ADAM30: variants seen among roughly 807,000 people sequenced by gnomAD.
The protein encoded by ADAM30 is disintegrin and metalloproteinase domain-containing protein 30.
For missense variants in ADAM30, 960 were observed against 959.4 expected (o/e 1.00, Z -0.01); for synonymous variants, 382 against 340.9 (o/e 1.12, Z -1.33).
At position 119,896,173 on chromosome 1, in the gene ADAM30, A is replaced by C. The variant is rs137940074; in HGVS notation, c.164T>G (p.Val55Gly). The C allele has an allele frequency of 1.4e-5, 23 of 1,613,838 alleles. No homozygotes were observed. The highest frequency in any genetic ancestry group is 1.8e-5 in the Non-Finnish European group (21 of 1,179,988). ...IPEKLSFRGE[V>G]QGVVSPVSYL... Reference sequence around the variant, plus strand: ...GGACACGGGACTGACCACACCCTGCACCTCTCCCCGGAAGCTCAGCTTCTC... The same window carrying C: ...GGACACGGGACTGACCACACCCTGCCCCTCTCCCCGGAAGCTCAGCTTCTC... Residue 55 changes from valine to glycine, a missense_variant, in exon 1 of 1, where the codon GTG becomes GGG. Physicochemically the swap from Val to Gly is moderately radical, Grantham distance 109. Transcript: ENST00000369400.
At position 119,896,179 on chromosome 1, in the gene ADAM30, C is replaced by T. The variant is rs1412508655; in HGVS notation, c.158G>A (p.Gly53Glu). ...GGGACTGACCACACCCTGCACCTCT[C>T]CCCGGAAGCTCAGCTTCTCAGGAAT... ...VTIPEKLSFR[G>E]EVQGVVSPVS... The change falls in exon 1 of 1, where the codon GGA (glycine) becomes GAA (glutamate). Residue 53 changes from glycine (G) to glutamate (E), a missense_variant. Transcript: ENST00000369400. The T allele has an allele frequency of 1.9e-6, 3 of 1,614,152 alleles. No homozygotes were observed. The highest frequency in any genetic ancestry group is 3.3e-5 in the Admixed American group (2 of 60,020).
In ADAM30 at chr1:119,894,565, T is replaced by C. The variant is rs896262197; in HGVS notation, c.1772A>G (p.Tyr591Cys). 1 of 1,614,106 alleles carries C rather than the reference T, an allele frequency of 6.2e-7. No homozygotes were observed. The highest frequency in any genetic ancestry group is 1.7e-5 in the Admixed American group (1 of 60,036). ...AENLMCWGTG[Y>C]HLSMKPMGIP... ...TCCCATGGGTTTCATGGATAGATGA[T>C]AGCCTGTGCCCCAGCACATGAGATT... Residue 591 changes from tyrosine (Y) to cysteine (C), a missense_variant, in exon 1 of 1, where the codon TAT (tyrosine) becomes TGT (cysteine). Coordinates refer to ENST00000369400, the MANE Select transcript of ADAM30 (RefSeq NM_021794.4).
In ADAM30 at chr1:119,894,748, C is replaced by A; in HGVS notation, c.1589G>T (p.Gly530Val). 1.2e-6 allele frequency: 2 copies of A among 1,614,208 alleles called. No individual in the cohort carries two copies. The highest frequency in any genetic ancestry group is 1.7e-6 in the Non-Finnish European group (2 of 1,180,042). ...SECYDAVNLIGDQFGNCEITG... is the reference protein window; with the variant it reads ...SECYDAVNLIVDQFGNCEITG... ...AATCTCACAGTTACCAAATTGATCACCTATTAAGTTAACTGCATCATAGCA... is the reference window on the plus strand; with the variant it reads ...AATCTCACAGTTACCAAATTGATCAACTATTAAGTTAACTGCATCATAGCA... Residue 530 changes from glycine (G) to valine (V), a missense_variant, in exon 1 of 1, where the codon GGT becomes GTT. Coordinates refer to ENST00000369400, the MANE Select transcript of ADAM30 (RefSeq NM_021794.4).
Position 119,896,131 on chromosome 1 carries a change from T to G in ADAM30, c.206A>C (p.Lys69Thr). 1 of 1,614,064 alleles carries G rather than the reference T, an allele frequency of 6.2e-7. No homozygotes were observed. The change falls in exon 1 of 1, where the codon AAA becomes ACA. Residue 69 changes from lysine to threonine, a missense_variant. Lys to Thr is a moderately conservative substitution (Grantham distance 78). Coordinates refer to ENST00000369400, the MANE Select transcript of ADAM30 (RefSeq NM_021794.4). ...CAAATGGAGGACGTGCTTCTTGCCT[T>G]TTAACTGCAGTAGGTAGGACACGGG... Reference protein sequence around the residue: ...VSPVSYLLQLKGKKHVLHLWP... With the variant: ...VSPVSYLLQLTGKKHVLHLWP...
chr1:119,895,710 T>C lies in ADAM30; in HGVS notation c.627A>G (p.Leu209=). The C allele has an allele frequency of 4.3e-6, 7 of 1,613,996 alleles. No homozygotes were observed. The highest frequency in any genetic ancestry group is 5.9e-6 in the Non-Finnish European group (7 of 1,180,014). Reference sequence around the variant, plus strand: ...ACCTATACCTACTTTGATCAAAGAGTAGGATCAATTCCAAGTACTTTGGGT... The same window carrying C: ...ACCTATACCTACTTTGATCAAAGAGCAGGATCAATTCCAAGTACTTTGGGT... The part of the protein sequence containing the change: ...YKHPKYLELI[L]LFDQSRYRFV... Residue 209 remains leucine (L), a synonymous_variant, in exon 1 of 1, where the codon CTA becomes CTG. Transcript: ENST00000369400.
Position 119,894,377 on chromosome 1 carries a change from A to G in ADAM30, c.1960T>C (p.Tyr654His). Residue 654 changes from tyrosine (Y) to histidine (H), a missense_variant, in exon 1 of 1, where the codon TAT (tyrosine) becomes CAT (histidine). By Grantham distance (83) the Tyr-to-His change is moderately conservative (BLOSUM62 2). Transcript: ENST00000369400. ...CNNRKNCHCM[Y>H]GWAPPFCEEV... ...TCACAGAATGGAGGTGCCCACCCAT[A>G]CATGCAGTGGCAGTTTTTTCTGTTG... The G allele has an allele frequency of 6.2e-7, 1 of 1,614,148 alleles. No individual in the cohort carries two copies.
chr1:119,894,286 G>T lies in ADAM30; in HGVS notation c.2051C>A (p.Ser684Ter). The T allele has an allele frequency of 5.0e-6, 8 of 1,614,142 alleles. No individual in the cohort carries two copies. The highest frequency in any genetic ancestry group is 6.8e-6 in the Non-Finnish European group (8 of 1,180,022). Residue 684 changes from serine (S) to a stop codon, truncating the protein, a stop_gained, in exon 1 of 1, where the codon TCG (serine) becomes TAG (stop). Transcript: ENST00000369400. LOFTEE classifies it low-confidence loss of function (END_TRUNC). The stretch of plus-strand genomic sequence containing the variant: ...TATGATGGACACAACCCAAATTGAC[G>T]AGGGAATCGCCCCTCTGAGCAGTCC... ...PPGLLRGAIP[S>*]SIWVVSIIMF...
At position 119,893,784 on chromosome 1, in the gene ADAM30, C is replaced by A; in HGVS notation, c.*180G>T. ...TCACAAACTGAGGGGCAAGTGAACA[C>A]TCGAGAAGTAGAATGCACTGGTTTG... is the stretch of plus-strand genomic sequence containing the variant. On this transcript the variant is annotated 3_prime_UTR_variant, in exon 1 of 1. Transcript: ENST00000369400. 7.8e-7 allele frequency: 1 copy of A among 1,279,842 alleles called. No individual in the cohort carries two copies. Among genetic ancestry groups the A allele is most frequent in the Non-Finnish European group, 1.0e-6 (1 of 959,042 alleles). 79.3% of individuals were successfully genotyped at this position (1,279,842 alleles called of 1,614,324 possible).
Position 119,893,947 on chromosome 1 carries a change from G to C in ADAM30, c.*17C>G. 1 of 1,593,298 alleles carries C rather than the reference G, an allele frequency of 6.3e-7. No individual in the cohort carries two copies. The highest frequency in any genetic ancestry group is 8.5e-7 in the Non-Finnish European group (1 of 1,173,938). On this transcript the variant is annotated 3_prime_UTR_variant, in exon 1 of 1. Transcript: ENST00000369400. Reference sequence around the variant, plus strand: ...AATAAATGAGCCTGTGTTACTGAATGAGTATGGATTGCCCGGTTACTTTTT... The same window carrying C: ...AATAAATGAGCCTGTGTTACTGAATCAGTATGGATTGCCCGGTTACTTTTT...
chr1:119,895,022 A>G lies in ADAM30; in HGVS notation c.1315T>C (p.Cys439Arg), dbSNP rs1306786805. ...SNCKLQPGAN[C>R]SIGLCCHDCR... ...TCATGACAGCAAAGTCCAATGCTAC[A>G]GTTGGCACCTGGTTGCAACTTACAA... Residue 439 changes from cysteine (C) to arginine (R), a missense_variant, in exon 1 of 1, where the codon TGT (cysteine) becomes CGT (arginine). Coordinates refer to ENST00000369400, the MANE Select transcript of ADAM30 (RefSeq NM_021794.4). 6.2e-7 allele frequency: 1 copy of G among 1,614,208 alleles called. No homozygotes were observed. Among genetic ancestry groups the G allele is most frequent in the East Asian group, 2.2e-5 (1 of 44,888 alleles).
chr1:119,893,706 T>G lies in ADAM30; in HGVS notation c.*258A>C. On this transcript the variant is annotated 3_prime_UTR_variant, in exon 1 of 1. Coordinates refer to ENST00000369400, the MANE Select transcript of ADAM30 (RefSeq NM_021794.4). ...TAGGAAACTCACTACTTTCAGAGCT[T>G]TAGTGTATGGAAAAGCCATTAGAGC... 2 of 566,274 alleles carry G rather than the reference T, an allele frequency of 3.5e-6. No individual in the cohort carries two copies. 35.1% of individuals were successfully genotyped at this position (566,274 alleles called of 1,614,324 possible).
At position 119,893,953 on chromosome 1, in the gene ADAM30, G is replaced by A; in HGVS notation, c.*11C>T. 6.2e-7 allele frequency: 1 copy of A among 1,603,866 alleles called. No homozygotes were observed. Among genetic ancestry groups the A allele is most frequent in the Non-Finnish European group, 8.5e-7 (1 of 1,177,026 alleles). On this transcript the variant is annotated 3_prime_UTR_variant, in exon 1 of 1. Coordinates refer to ENST00000369400, the MANE Select transcript of ADAM30 (RefSeq NM_021794.4). ...TGAGCCTGTGTTACTGAATGAGTATGGATTGCCCGGTTACTTTTTTTGTTT... is the reference window on the plus strand; with the variant it reads ...TGAGCCTGTGTTACTGAATGAGTATAGATTGCCCGGTTACTTTTTTTGTTT...
Position 119,895,726 on chromosome 1 carries a change from T to C in ADAM30, c.611A>G (p.Tyr204Cys). Residue 204 changes from tyrosine to cysteine, a missense_variant, in exon 1 of 1, where the codon TAC becomes TGC. Coordinates refer to ENST00000369400, the MANE Select transcript of ADAM30 (RefSeq NM_021794.4). ...ATCAAAGAGTAGGATCAATTCCAAG[T>C]ACTTTGGGTGTTTATAGGATCCAGG... ...DFPGSYKHPK[Y>C]LELILLFDQS... is the part of the protein sequence containing the mutation. The C allele has an allele frequency of 6.2e-7, 1 of 1,614,120 alleles. No individual in the cohort carries two copies. The highest frequency in any genetic ancestry group is 8.5e-7 in the Non-Finnish European group (1 of 1,180,024).
rs752265647 is a variant in ADAM30 at position 119,894,927 on chromosome 1, G to C, written c.1410C>G (p.Cys470Trp). ...TTGGGCAGGAACTTGAATTCCCGTC[G>C]CAGTACTCTGCAAGGTCACATTCAT... is the stretch of plus-strand genomic sequence containing the variant. ...EGNECDLAEY[C>W]DGNSSSCPND... Residue 470 changes from cysteine to tryptophan, a missense_variant, in exon 1 of 1, where the codon TGC becomes TGG. Physicochemically the swap from Cys to Trp is radical, Grantham distance 215. Transcript: ENST00000369400. The C allele has an allele frequency of 1.2e-6, 2 of 1,614,104 alleles. No individual in the cohort carries two copies. Among genetic ancestry groups the C allele is most frequent in the South Asian group, 2.2e-5 (2 of 91,072 alleles).
chr1:119,895,868 G>C lies in ADAM30; in HGVS notation c.469C>G (p.His157Asp). 6.2e-7 allele frequency: 1 copy of C among 1,614,138 alleles called. No homozygotes were observed. The highest frequency in any genetic ancestry group is 8.5e-7 in the Non-Finnish European group (1 of 1,180,026). The change falls in exon 1 of 1, where the codon CAT becomes GAT. Residue 157 changes from histidine to aspartate, a missense_variant. His to Asp is a moderately conservative substitution (Grantham distance 81). Transcript: ENST00000369400. ...EPLKASPSFE[H>D]VVYLLKKEQF... is the part of the protein sequence containing the mutation. ...TCTTTCTTCAGGAGATAGACGACAT[G>C]TTCAAAACTGGGAGAGGCCTTGAGG...
In ADAM30 at chr1:119,896,468, G is replaced by C. The variant is rs1454540340; in HGVS notation, c.-132C>G. ...GGCTCCCCTGGCAGGGTTTCCGGGG[G>C]AGCCCGTAGCCTCCCAGGGCTCGGT... On this transcript the variant is annotated 5_prime_UTR_variant, in exon 1 of 1. Coordinates refer to ENST00000369400, the MANE Select transcript of ADAM30 (RefSeq NM_021794.4). 6.5e-6 allele frequency: 9 copies of C among 1,389,678 alleles called. No individual in the cohort carries two copies. The highest frequency in any genetic ancestry group is 7.5e-6 in the Non-Finnish European group (8 of 1,064,008). 86.1% of individuals were successfully genotyped at this position (1,389,678 alleles called of 1,614,324 possible).
In ADAM30 at chr1:119,894,866, A is replaced by G. The variant is rs1340748511; in HGVS notation, c.1471T>C (p.Tyr491His). The change falls in exon 1 of 1, where the codon TAT becomes CAT. Residue 491 changes from tyrosine (Y) to histidine (H), a missense_variant. Tyr to His is a moderately conservative substitution (Grantham distance 83). Coordinates refer to ENST00000369400, the MANE Select transcript of ADAM30 (RefSeq NM_021794.4). ...CCCTTCCTGAAACAACGGCCTTCATACTTGCAAGGGGTTCCATCCTGCTTA... is the reference window on the plus strand; with the variant it reads ...CCCTTCCTGAAACAACGGCCTTCATGCTTGCAAGGGGTTCCATCCTGCTTA... ...VYKQDGTPCK[Y>H]EGRCFRKGCR... The G allele has an allele frequency of 1.9e-6, 3 of 1,614,140 alleles. No individual in the cohort carries two copies. The South Asian group carries it at 3.3e-5, about 18-fold the overall frequency.
Position 119,895,004 on chromosome 1 carries a change from A to G in ADAM30, c.1333T>C (p.Cys445Arg). ...PGANCSIGLC[C>R]HDCRFRPSGY... The stretch of plus-strand genomic sequence containing the variant: ...GATGGACGAAACCGACAATCATGAC[A>G]GCAAAGTCCAATGCTACAGTTGGCA... The change falls in exon 1 of 1, where the codon TGT becomes CGT. Residue 445 changes from cysteine to arginine, a missense_variant. Cys to Arg is a radical substitution (Grantham distance 180, BLOSUM62 -3). Transcript: ENST00000369400. 1 of 1,614,250 alleles carries G rather than the reference A, an allele frequency of 6.2e-7. No homozygotes were observed. The highest frequency in any genetic ancestry group is 8.5e-7 in the Non-Finnish European group (1 of 1,180,046).
At position 119,895,495 on chromosome 1, in the gene ADAM30, T is replaced by G; in HGVS notation, c.842A>C (p.Lys281Thr). 6.2e-7 allele frequency: 1 copy of G among 1,613,868 alleles called. No individual in the cohort carries two copies. The highest frequency in any genetic ancestry group is 1.7e-5 in the Admixed American group (1 of 60,026). ...EVLGRFVIYKKSVLNARLSSD... is the reference protein window; with the variant it reads ...EVLGRFVIYKTSVLNARLSSD... ...TGACAGGCGAGCATTTAATACACTT[T>G]TTTTATATATTACAAATCTGCCTAA... is the stretch of plus-strand genomic sequence containing the variant. Residue 281 changes from lysine (K) to threonine (T), a missense_variant, in exon 1 of 1, where the codon AAA becomes ACA. By Grantham distance (78) the Lys-to-Thr change is moderately conservative. Transcript: ENST00000369400.
Sources: allele counts gnomAD v4.1 joint callset, GRCh38; gene constraint gnomAD v4.1.1; transcripts MANE v1.5; gene names NCBI Gene and HGNC (gene_info 2026-07-23, HGNC 2026-07-21).